Variants in RANBP2 observed in about 807,000 individuals in gnomAD.
RANBP2 encodes E3 SUMO-protein ligase RanBP2.
In RANBP2, 57 loss-of-function variants were observed where a neutral mutation model predicts 303.6. The ratio of observed to expected loss-of-function variants is 0.19; its 90% CI spans 0.15 to 0.23. The LOEUF (loss-of-function observed/expected upper bound fraction) is 0.23. RANBP2 is among the 10% of genes least tolerant of loss of function. The pLI is 1.00. For synonymous variants in RANBP2, 1,167 were observed against 1,301.5 expected, an observed-to-expected ratio of 0.90 and a Z score of 2.23; for missense variants, 3,138 against 3,780.8, an observed-to-expected ratio of 0.83 and a Z score of 4.46.
chr2:109,676,910 T>C, the RANBP2 span, among the ~76,000 whole-genome samples: 2 of 152,176 alleles, frequency 1.3e-5, no homozygotes, highest in East Asian at 1.9e-4. Flanking sequence ...CTTTTGAAGG[T>C]AGACAAAGCC....
the RANBP2 span, among the ~76,000 whole-genome samples, chr2:109,170,615 G>A: frequency 3.3e-5 from 5 of 152,112 alleles, no homozygotes; most frequent in East Asian, 1.9e-4. Flanking sequence ...CACCCAAAGC[G>A]CTGGGATTAC....
At chr2:108,787,758 G>A (rs1573883781), downstream of RANBP2, among the ~76,000 whole-genome samples, 1 of 151,716 alleles carries the variant, frequency 6.6e-6, no homozygotes, top group African/African-American at 2.4e-5. Flanking sequence ...TTGTTTCTCC[G>A]TTTGGGTTTA....
chr2:108,767,432 A>G lies in RANBP2; in HGVS notation c.6893A>G (p.Asp2298Gly), dbSNP rs373099348. The G allele has an allele frequency of 1.1e-5, 17 of 1,611,816 alleles. No individual in the cohort carries two copies. In the South Asian group the frequency reaches 1.8e-4, roughly 17 times the overall value. ...GTSVGTDEES[D>G]VTQEEERDGQ... Reference sequence around the variant, plus strand: ...TCAGTTGGCACTGATGAAGAATCTGATGTTACTCAAGAAGAAGAGAGAGAT... The same window carrying G: ...TCAGTTGGCACTGATGAAGAATCTGGTGTTACTCAAGAAGAAGAGAGAGAT... Residue 2298 changes from aspartate (D) to glycine (G), a missense_variant, in exon 20 of 29, where the codon GAT (aspartate) becomes GGT (glycine). Physicochemically the swap from Asp to Gly is moderately conservative, Grantham distance 94 (BLOSUM62 -1). Around this residue, in one of 20 missense-constraint regions of RANBP2, gnomAD observed 72 missense variants for 86.8 expected, o/e 0.83. Coordinates refer to ENST00000283195, the MANE Select transcript of RANBP2 (RefSeq NM_006267.5).
the RANBP2 span, among the ~76,000 whole-genome samples, chr2:109,675,774 C>T: frequency 0.011 from 1,655 of 152,326 alleles, 43 homozygotes; most frequent in African/African-American, 0.037. Flanking sequence ...TTGCCTTTCT[C>T]GTCCTGCCAC....
At chr2:109,031,823 C>T in the RANBP2 span, among the ~76,000 whole-genome samples, 2 of 152,144 alleles carry the variant, frequency 1.3e-5, no homozygotes, top group African/African-American at 2.4e-5. Flanking sequence ...CCTCCTTCCT[C>T]TAAGTATTTT....
the RANBP2 span, among the ~76,000 whole-genome samples, chr2:109,527,097 T>C: frequency 1.3e-5 from 2 of 152,122 alleles, no homozygotes; most frequent in African/African-American, 4.8e-5. Context: ...CAGATGACCC[T>C]ACACACACAC....
chr2:109,447,147 TAAAA>T, the RANBP2 span, among the ~76,000 whole-genome samples: 3,167 of 82,722 alleles, frequency 0.038, 116 homozygotes, highest in African/African-American at 0.11. Flanking sequence ...CCTGAATATT[TAAAA>T]AAAAAAAAAA....
At chr2:109,052,027 C>T in the RANBP2 span, among the ~76,000 whole-genome samples, 7 of 152,268 alleles carry the variant, frequency 4.6e-5, no homozygotes, top group Admixed American at 1.3e-4. Context: ...GGATTACAGG[C>T]GTGAGCCACC....
At chr2:108,743,431 GC>G (rs1192878205) in intron 7 of RANBP2, among the ~76,000 whole-genome samples, 1 of 152,130 alleles carries the variant, frequency 6.6e-6, no homozygotes, top group Admixed American at 6.6e-5. Context: ...CTGCCACCAT[GC>G]CTGGCTACAT....
At chr2:109,592,064 G>A in the RANBP2 span, among the ~76,000 whole-genome samples, 1 of 152,094 alleles carries the variant, frequency 6.6e-6, no homozygotes, top group East Asian at 1.9e-4. Context: ...GAAGCATAAG[G>A]TGTAATCTTG....
At chr2:109,708,774 G>C in the RANBP2 span, among the ~76,000 whole-genome samples, 6 of 151,054 alleles carry the variant, frequency 4.0e-5, no homozygotes, top group African/African-American at 1.5e-4. Context: ...TCAGGGGTTC[G>C]AGACCAGCCT....
chr2:109,057,193 T>C, the RANBP2 span, among the ~76,000 whole-genome samples: 111 of 152,116 alleles, frequency 7.3e-4, no homozygotes, highest in African/African-American at 2.6e-3. Context: ...AAGATCTAAT[T>C]AGTCCTCTTA....
chr2:108,842,901 G>A, the RANBP2 span, among the ~76,000 whole-genome samples: 1,188 of 152,236 alleles, frequency 7.8e-3, 22 homozygotes, highest in African/African-American at 0.026. Flanking sequence ...TTTGAATAAA[G>A]CACAGAAGCT....
intron 18 of RANBP2, among the ~76,000 whole-genome samples, chr2:108,759,420 G>C (rs570402767): frequency 6.6e-6 from 1 of 152,234 alleles, no homozygotes; most frequent in Admixed American, 6.5e-5. Context: ...TTGCTCCCAG[G>C]CAGCGAGAAA....
chr2:109,463,333 G>C, the RANBP2 span, among the ~76,000 whole-genome samples: 12 of 152,156 alleles, frequency 7.9e-5, no homozygotes, highest in Non-Finnish European at 4.4e-5. Flanking sequence ...CCACCTGGTC[G>C]GCCTTGTCTT....
At chr2:108,788,800 T>C, downstream of RANBP2, 1 of 1,608,572 alleles carries the variant, frequency 6.2e-7, no homozygotes, top group Non-Finnish European at 8.5e-7. Context: ...GTGCCAGATA[T>C]TTTGTGATAT....
chr2:108,764,938 C>T lies in RANBP2; in HGVS notation c.4399C>T (p.Pro1467Ser). 1 of 1,613,972 alleles carries T rather than the reference C, an allele frequency of 6.2e-7. No individual in the cohort carries two copies. Among genetic ancestry groups the T allele is most frequent in the Non-Finnish European group, 8.5e-7 (1 of 1,179,962 alleles). The change falls in exon 20 of 29, where the codon CCT becomes TCT. Residue 1467 changes from proline (P) to serine (S), a missense_variant. Pro to Ser is a moderately conservative substitution (Grantham distance 74). Around this residue, in one of 20 missense-constraint regions of RANBP2, gnomAD observed 388 missense variants for 328.5 expected, o/e 1.18. Transcript: ENST00000283195. ...FKFGQGDLPK[P>S]INSDFRSVFS... Reference sequence around the variant, plus strand: ...ATTTGGCCAGGGAGATCTTCCTAAACCTATTAACAGTGATTTCAGATCTGT... The same window carrying T: ...ATTTGGCCAGGGAGATCTTCCTAAATCTATTAACAGTGATTTCAGATCTGT...
the RANBP2 span, among the ~76,000 whole-genome samples, chr2:109,361,251 G>A: frequency 9.9e-5 from 15 of 152,036 alleles, no homozygotes; most frequent in Non-Finnish European, 2.1e-4. Context: ...GGATATTTGC[G>A]TTTATGTTCA....
chr2:109,130,642 G>A, the RANBP2 span, among the ~76,000 whole-genome samples: 1 of 152,186 alleles, frequency 6.6e-6, no homozygotes, highest in Non-Finnish European at 1.5e-5. Context: ...TCTGGAAGGA[G>A]TTAATCTGGA....
Sources: allele counts gnomAD v4.1 joint callset (sites outside exome capture counted in the v4.1 genomes callset), GRCh38; gene constraint gnomAD v4.1.1; regional missense constraint gnomAD v4.1.1; transcripts MANE v1.5; gene names NCBI Gene and HGNC (gene_info 2026-07-23, HGNC 2026-07-21).